Variants in NAXD observed in about 807,000 individuals in gnomAD.
NAXD encodes the protein NAD(P)HX dehydratase.
In NAXD, 22 loss-of-function variants were observed where a neutral mutation model predicts 35.8. The observed-to-expected ratio is 0.62, with a 90% CI of 0.44 to 0.88. The LOEUF is 0.88. Among genes scored for constraint, NAXD ranks in the 40% least tolerant of loss-of-function variants. The pLI is 0.00. For missense variants in NAXD, 428 were observed against 437.7 expected, an observed-to-expected ratio of 0.98 and a Z score of 0.20; for synonymous variants, 189 against 177.6, an observed-to-expected ratio of 1.06 and a Z score of -0.51.
At chr13:110,624,823 C>T (rs963791638) in intron 3 of NAXD, among the ~76,000 whole-genome samples, 1 of 152,226 alleles carries the variant, frequency 6.6e-6, no homozygotes, top group African/African-American at 2.4e-5. Flanking sequence ...CCAAAGTGCA[C>T]CTGGGATGCC....
intron 1 of NAXD, among the ~76,000 whole-genome samples, chr13:110,621,962 A>G (rs971150619): frequency 1.3e-5 from 2 of 150,982 alleles, no homozygotes; most frequent in African/African-American, 4.9e-5. Context: ...CCTGGGAGGC[A>G]GAGGTTGCAG....
chr13:110,626,129 C>G (rs907164496), intron 4 of NAXD, among the ~76,000 whole-genome samples: 1 of 151,942 alleles, frequency 6.6e-6, no homozygotes, highest in Non-Finnish European at 1.5e-5. Flanking sequence ...GGCTGTGGCT[C>G]TGGCCCTGAG....
At chr13:110,625,375 C>T in intron 4 of NAXD, 97 bp downstream of exon 4, 1 of 806,046 alleles carries the variant, frequency 1.2e-6, no homozygotes, top group South Asian at 1.5e-5. Flanking sequence ...ATGGATTTTC[C>T]ATCCTCAGAG....
intron 1 of NAXD, among the ~76,000 whole-genome samples, chr13:110,619,123 T>C (rs1886168170): frequency 6.6e-6 from 1 of 152,254 alleles, no homozygotes; most frequent in African/African-American, 2.4e-5. Context: ...TTGTGTCAGA[T>C]CCTTTCCGGT....
intron 1 of NAXD, 21 bp from the exon 2 acceptor site, chr13:110,622,195 T>C (rs768466665): frequency 5.0e-6 from 8 of 1,599,166 alleles, no homozygotes; most frequent in African/African-American, 1.3e-5. Context: ...TTCTGAATTA[T>C]TCATTTTTCT....
At position 110,638,497 on chromosome 13, in the gene NAXD, G is replaced by A; in HGVS notation, c.959G>A (p.Gly320Glu). Residue 320 changes from glycine (G) to glutamate (E), a missense_variant, in exon 10 of 10, where the codon GGG becomes GAG. Around this residue, in one of 3 missense-constraint regions of NAXD, gnomAD observed 209 missense variants for 214.6 expected, o/e 0.97. Coordinates refer to ENST00000680254, the MANE Select transcript of NAXD (RefSeq NM_001242882.2). This position sits in a 1 kb window ranked among gnomAD's most constrained non-coding sequence, Gnocchi z 5.4. The part of the protein sequence containing the change: ...TTTSDMIAEV[G>E]AAFSKLFET ...ACCTCCGACATGATCGCCGAGGTGG[G>A]GGCCGCCTTCAGCAAGCTCTTTGAA... 6.2e-7 allele frequency: 1 copy of A among 1,612,860 alleles called. No individual in the cohort carries two copies. The highest frequency in any genetic ancestry group is 8.5e-7 in the Non-Finnish European group (1 of 1,179,812).
chr13:110,624,364 A>C, intron 3 of NAXD, 85 bp downstream of exon 3: 1 of 867,366 alleles, frequency 1.2e-6, no homozygotes, highest in Non-Finnish European at 1.9e-6. Context: ...ATGTTTTCTG[A>C]TAGAAATCTA....
At chr13:110,619,087 C>T (rs966880914) in intron 1 of NAXD, among the ~76,000 whole-genome samples, 3 of 152,230 alleles carry the variant, frequency 2.0e-5, no homozygotes, top group Non-Finnish European at 2.9e-5. Flanking sequence ...AGGTGCTCCA[C>T]CTGGACTCGT....
intron 3 of NAXD, 36 bp downstream of exon 3, chr13:110,624,315 C>G (rs758377365): frequency 7.5e-7 from 1 of 1,325,042 alleles, no homozygotes; most frequent in Non-Finnish European, 1.1e-6. Flanking sequence ...TGGGATTTTT[C>G]TGGTAGAGAG....
At chr13:110,619,338 A>G (rs186212022) in intron 1 of NAXD, among the ~76,000 whole-genome samples, 1 of 152,322 alleles carries the variant, frequency 6.6e-6, no homozygotes, top group Admixed American at 6.5e-5. Context: ...CTCCTGGAAA[A>G]TATACAGTAT....
At chr13:110,630,702 G>A (rs1256115685) in intron 5 of NAXD, among the ~76,000 whole-genome samples, 1 of 152,162 alleles carries the variant, frequency 6.6e-6, no homozygotes, top group African/African-American at 2.4e-5. Flanking sequence ...TGGTGTGGTA[G>A]GAGGAGGCTC....
At chr13:110,637,727 A>G (rs776858467) in intron 9 of NAXD, 6 of 460,066 alleles carry the variant, frequency 1.3e-5, no homozygotes, top group Non-Finnish European at 2.2e-5. Flanking sequence ...CCATACCTCT[A>G]AGCATCTCCA....
chr13:110,627,442 C>T lies in NAXD; in HGVS notation c.336C>T (p.Asp112=). The change falls in exon 5 of 10, where the codon GAC becomes GAT. Residue 112 remains aspartate, a synonymous_variant. Transcript: ENST00000680254. ...TGGCCTTCCTTTCCTTCTTTAGTGA[C>T]AGCCCCAATGCTGTTCATGAGGTGG... The part of the protein sequence containing the change: ...SPELIVHPVL[D]SPNAVHEVEK... 6.2e-7 allele frequency: 1 copy of T among 1,610,250 alleles called. No homozygotes were observed.
At chr13:110,627,127 A>G (rs1280312382) in intron 4 of NAXD, among the ~76,000 whole-genome samples, 1 of 152,216 alleles carries the variant, frequency 6.6e-6, no homozygotes, top group African/African-American at 2.4e-5. Flanking sequence ...GGGTCCTGAC[A>G]TGGGAAGAGG....
intron 1 of NAXD, among the ~76,000 whole-genome samples, chr13:110,619,364 T>C (rs1180939073): frequency 6.6e-6 from 1 of 152,134 alleles, no homozygotes; most frequent in Non-Finnish European, 1.5e-5. Flanking sequence ...GGTGGAACCA[T>C]TTTATTCCTT....
chr13:110,635,384 C>T, intron 7 of NAXD, 84 bp from the exon 8 acceptor site: 1 of 1,506,346 alleles, frequency 6.6e-7, no homozygotes, highest in Non-Finnish European at 9.1e-7. Context: ...GAGCATGAGT[C>T]TCATGGCGGA....
chr13:110,621,225 G>T (rs1886251322), intron 1 of NAXD, among the ~76,000 whole-genome samples: 2 of 152,230 alleles, frequency 1.3e-5, no homozygotes, highest in Non-Finnish European at 2.9e-5. Context: ...CGGATTACAG[G>T]TGGGAGCTTG....
In NAXD at chr13:110,633,083, G is replaced by A. The variant is rs569622294; in HGVS notation, c.442-1462G>A. Among the ~76,000 whole-genome samples the A allele has an allele frequency of 2.2e-4, 33 of 152,302 alleles. 1 individual carries two copies. Among genetic ancestry groups the A allele is most frequent in the African/African-American group, 6.3e-4 (26 of 41,576 alleles). On this transcript the variant is annotated intron_variant, in intron 5 of 9. Coordinates refer to ENST00000680254, the MANE Select transcript of NAXD (RefSeq NM_001242882.2). Reference sequence around the variant, plus strand: ...GACTGGGTGCCGTGGAGCAGGGGGTGGTGCTCGTCGGGGAGGCTCGGGCCG... The same window carrying A: ...GACTGGGTGCCGTGGAGCAGGGGGTAGTGCTCGTCGGGGAGGCTCGGGCCG...
At chr13:110,622,901 C>T (rs571586778) in intron 2 of NAXD, among the ~76,000 whole-genome samples, 1 of 152,266 alleles carries the variant, frequency 6.6e-6, no homozygotes, top group African/African-American at 2.4e-5. Flanking sequence ...TTTCTGTTTG[C>T]ATGGATGTGG....
Sources: gnomAD v4.1 joint callset for allele counts (sites outside exome capture counted in the v4.1 genomes callset) on GRCh38, gnomAD v4.1.1 for gene constraint, gnomAD v4.1.1 regional missense constraint, Gnocchi (gnomAD v3.1) non-coding constraint, MANE v1.5 for transcripts, NCBI Gene and HGNC (gene_info 2026-07-23, HGNC 2026-07-21) for gene names.